TPST1: variants seen among roughly 807,000 people sequenced by gnomAD.
The protein encoded by TPST1 is tyrosylprotein sulfotransferase 1.
TPST1 carries 20 observed loss-of-function variants against 34.8 expected under a neutral mutation model. The ratio of observed to expected loss-of-function variants is 0.57; its 90% confidence interval spans 0.40 to 0.84. TPST1 has a LOEUF of 0.84. TPST1 is among the 40% of genes least tolerant of loss of function. TPST1 has a pLI of 0.00. For synonymous variants in TPST1, 152 were observed against 159.4 expected (o/e 0.95, Z 0.35); for missense variants, 353 against 455.5 (o/e 0.78, Z 2.05).
chr7:66,214,585 G>A (rs553093830), intron 1 of TPST1, among the ~76,000 whole-genome samples: 15 of 151,296 alleles, frequency 9.9e-5, no homozygotes, highest in African/African-American at 3.6e-4. Flanking sequence ...GGAGGCTAAG[G>A]CAGGCAGATT....
intron 2 of TPST1, among the ~76,000 whole-genome samples, chr7:66,280,605 A>G (rs1225064676): frequency 6.6e-6 from 1 of 151,944 alleles, no homozygotes; most frequent in Non-Finnish European, 1.5e-5. Context: ...GGATGCCTTT[A>G]TTTTTCTTAC....
intron 2 of TPST1, among the ~76,000 whole-genome samples, chr7:66,281,429 T>G (rs1296636320): frequency 6.6e-6 from 1 of 152,210 alleles, no homozygotes; most frequent in Non-Finnish European, 1.5e-5. Flanking sequence ...ATACATCTGA[T>G]AGAGTTTGGT....
At chr7:66,213,058 G>A (rs1246294889) in intron 1 of TPST1, among the ~76,000 whole-genome samples, 1 of 151,986 alleles carries the variant, frequency 6.6e-6, no homozygotes, top group Non-Finnish European at 1.5e-5. Flanking sequence ...GGGTTTTTCT[G>A]TTTGGAGTTC....
chr7:66,231,372 C>A (rs943341725), intron 1 of TPST1, among the ~76,000 whole-genome samples: 1 of 152,200 alleles, frequency 6.6e-6, no homozygotes, highest in Non-Finnish European at 1.5e-5. Context: ...CTCCGCAGGC[C>A]TTGGGTGGTT....
At chr7:66,307,655 G>T (rs912103647) in intron 3 of TPST1, among the ~76,000 whole-genome samples, 2 of 152,168 alleles carry the variant, frequency 1.3e-5, no homozygotes, top group Admixed American at 6.5e-5. Context: ...CTTTATTGGG[G>T]CACCATTGTT....
At chr7:66,254,956 G>A (rs1166759607) in intron 2 of TPST1, among the ~76,000 whole-genome samples, 3 of 151,694 alleles carry the variant, frequency 2.0e-5, no homozygotes, top group Non-Finnish European at 2.9e-5. Context: ...GACCATCCTG[G>A]CTAACATGGT....
intron 3 of TPST1, among the ~76,000 whole-genome samples, chr7:66,302,488 T>C (rs1051109103): frequency 1.9e-4 from 29 of 152,328 alleles, no homozygotes; most frequent in Non-Finnish European, 3.7e-4. Context: ...GTATTACATG[T>C]AATTGTCAGG....
intron 1 of TPST1, among the ~76,000 whole-genome samples, chr7:66,206,953 C>A (rs1183649913): frequency 6.6e-6 from 1 of 152,122 alleles, no homozygotes; most frequent in South Asian, 2.1e-4. Flanking sequence ...TCCAAACACT[C>A]GCTCTTGGAG....
intron 3 of TPST1, among the ~76,000 whole-genome samples, chr7:66,334,560 C>T (rs1241042458): frequency 6.9e-6 from 1 of 145,138 alleles, no homozygotes; most frequent in Non-Finnish European, 1.5e-5. Context: ...TGCTTGAACT[C>T]GGGAGTTGGA....
At chr7:66,257,914 C>T (rs183895280) in intron 2 of TPST1, among the ~76,000 whole-genome samples, 1 of 152,292 alleles carries the variant, frequency 6.6e-6, no homozygotes, top group Non-Finnish European at 1.5e-5. Flanking sequence ...TTGAAGGAGT[C>T]ATCTGACTTT....
intron 1 of TPST1, among the ~76,000 whole-genome samples, chr7:66,220,350 T>C (rs1040959776): frequency 3.9e-5 from 6 of 152,064 alleles, no homozygotes; most frequent in African/African-American, 1.2e-4. Context: ...AATTACCTTA[T>C]TGGCAATCTA....
rs1444038461 is a variant in TPST1, at chr7:66,240,967, T to C, written c.542T>C (p.Leu181Pro). The change falls in exon 2 of 6, where the codon CTG becomes CCG. Residue 181 changes from leucine (L) to proline (P), a missense_variant. Transcript: ENST00000304842. ...SRLFPNAKFL[L>P]MVRDGRASVH... is the part of the protein sequence containing the mutation. ...TTATTCCCCAATGCCAAATTTCTCC[T>C]GATGGTCCGAGATGGCCGGGCATCA... is the stretch of plus-strand genomic sequence containing the variant. 1 of 1,614,248 alleles carries C rather than the reference T, an allele frequency of 6.2e-7. No homozygotes were observed. The highest frequency in any genetic ancestry group is 2.2e-5 in the East Asian group (1 of 44,892).
At chr7:66,256,270 G>A (rs1347072887) in intron 2 of TPST1, among the ~76,000 whole-genome samples, 2 of 152,002 alleles carry the variant, frequency 1.3e-5, no homozygotes, top group Non-Finnish European at 2.9e-5. Context: ...TCTATTTCTA[G>A]TTCACTAAGA....
chr7:66,341,798 G>T (rs1204431419), intron 3 of TPST1, among the ~76,000 whole-genome samples: 2 of 152,122 alleles, frequency 1.3e-5, no homozygotes, highest in Non-Finnish European at 2.9e-5. Flanking sequence ...ATAAGCAAAA[G>T]AAATCATAAA....
At chr7:66,358,648 C>G (rs1792630191) in intron 5 of TPST1, among the ~76,000 whole-genome samples, 1 of 152,192 alleles carries the variant, frequency 6.6e-6, no homozygotes, top group Admixed American at 6.5e-5. Flanking sequence ...CAGCAAGCTG[C>G]TAATATTGAC....
At position 66,295,083 on chromosome 7, in the gene TPST1, C is replaced by T. The variant is rs189073234; in HGVS notation, c.1044+8374C>T. On this transcript the variant is annotated intron_variant, in intron 3 of 5. Coordinates refer to ENST00000304842, the MANE Select transcript of TPST1 (RefSeq NM_003596.4). ...CTTTGACAAATTGTGCTGCAGTGAACATCTTTGCAGATACTCAATTTTAGG... is the reference window on the plus strand; with the variant it reads ...CTTTGACAAATTGTGCTGCAGTGAATATCTTTGCAGATACTCAATTTTAGG... 2.2e-3 allele frequency among the ~76,000 whole-genome samples: 331 copies of T among 152,182 alleles called. 2 individuals carry two copies. Among genetic ancestry groups the T allele is most frequent in the African/African-American group, 7.6e-3 (314 of 41,506 alleles).
chr7:66,335,900 A>T (rs1792109033), intron 3 of TPST1, among the ~76,000 whole-genome samples: 1 of 152,214 alleles, frequency 6.6e-6, no homozygotes, highest in Admixed American at 6.5e-5. Flanking sequence ...TGATTATGAA[A>T]ACTTAGGGAA....
In TPST1 at chr7:66,217,739, C is replaced by T. The variant is rs369815986; in HGVS notation, c.-102+12217C>T. On this transcript the variant is annotated intron_variant, in intron 1 of 5. Coordinates refer to ENST00000304842, the MANE Select transcript of TPST1 (RefSeq NM_003596.4). ...AGCTGGGACTACAGGCGTGTGCCAC[C>T]ATGCCTGGCTAATTTTTTGTATTTT... Among the ~76,000 whole-genome samples the T allele has an allele frequency of 6.6e-5, 10 of 151,928 alleles. No homozygotes were observed. The East Asian group carries it at 1.7e-3, about 26-fold the overall frequency.
intron 3 of TPST1, among the ~76,000 whole-genome samples, chr7:66,294,349 C>G (rs1791148203): frequency 6.6e-6 from 1 of 152,034 alleles, no homozygotes; most frequent in African/African-American, 2.4e-5. Context: ...TATCAGTGTC[C>G]TTCCCTCCCT....
Sources: gnomAD v4.1 joint callset for allele counts (sites outside exome capture counted in the v4.1 genomes callset) on GRCh38, gnomAD v4.1.1 for gene constraint, MANE v1.5 for transcripts, NCBI Gene and HGNC (gene_info 2026-07-23, HGNC 2026-07-21) for gene names.